Variants in TANC1 observed in about 807,000 individuals in gnomAD.
The protein encoded by TANC1 is tetratricopeptide repeat, ankyrin repeat and coiled-coil containing 1.
TANC1 carries 77 observed loss-of-function variants against 149.7 expected under a neutral mutation model. The ratio of observed to expected loss-of-function variants is 0.51; its 90% CI spans 0.43 to 0.62. TANC1 has a LOEUF of 0.62. Among genes scored for constraint, TANC1 ranks in the 20% least tolerant of loss-of-function variants. The pLI is 0.00. For missense variants in TANC1, 1,985 were observed against 2,321.8 expected, an observed-to-expected ratio of 0.85 and a Z score of 2.98; for synonymous variants, 854 against 925.0, an observed-to-expected ratio of 0.92 and a Z score of 1.39.
chr2:159,157,231 G>C (rs915916626), intron 7 of TANC1, among the ~76,000 whole-genome samples: 1 of 152,196 alleles, frequency 6.6e-6, no homozygotes, highest in African/African-American at 2.4e-5. Context: ...TTCCAGGCAA[G>C]GTGGCTTAAG....
intron 2 of TANC1, among the ~76,000 whole-genome samples, chr2:159,047,856 A>G (rs1377065255): frequency 6.6e-6 from 1 of 152,210 alleles, no homozygotes; most frequent in African/African-American, 2.4e-5. Flanking sequence ...GGGACTTCAC[A>G]CCACTAACAT....
Position 159,178,669 on chromosome 2 carries a change from G to C in TANC1, c.2016G>C (p.Gln672His). ...TCCAGCACAGGGTGCACAGCAGCCA[G>C]GACATCCTCAGCAACATCTCCCTGA... ...AYVQHRVHSS[Q>H]DILSNISLNG... The change falls in exon 14 of 27, where the codon CAG becomes CAC. Residue 672 changes from glutamine to histidine, a missense_variant. By Grantham distance (24) the Gln-to-His change is conservative. This residue lies in a region of TANC1 where 508 missense variants were observed against 714.2 expected (regional missense o/e 0.71). Transcript: ENST00000263635. The C allele has an allele frequency of 6.2e-7, 1 of 1,614,154 alleles. No individual in the cohort carries two copies. Among genetic ancestry groups the C allele is most frequent in the Non-Finnish European group, 8.5e-7 (1 of 1,180,024 alleles).
intron 2 of TANC1, among the ~76,000 whole-genome samples, chr2:159,065,155 A>G (rs181968925): frequency 6.6e-6 from 1 of 152,180 alleles, no homozygotes; most frequent in Non-Finnish European, 1.5e-5. Flanking sequence ...AGATGGTTTC[A>G]TGTTTCATCT....
intron 3 of TANC1, among the ~76,000 whole-genome samples, chr2:159,078,836 T>G (rs1326537901): frequency 2.6e-5 from 4 of 152,198 alleles, no homozygotes; most frequent in African/African-American, 9.7e-5. Flanking sequence ...TTTGAATAAT[T>G]TTTTCTGAAC....
intron 2 of TANC1, among the ~76,000 whole-genome samples, chr2:159,006,051 T>C (rs1452109654): frequency 6.6e-6 from 1 of 152,066 alleles, no homozygotes; most frequent in African/African-American, 2.4e-5. Context: ...TCCCAACACC[T>C]TGGGAGGCCG....
intron 2 of TANC1, among the ~76,000 whole-genome samples, chr2:159,014,845 T>A (rs946742857): frequency 1.3e-5 from 2 of 152,212 alleles, no homozygotes; most frequent in African/African-American, 4.8e-5. Flanking sequence ...GTCATACTGA[T>A]GCAAGAGTTG....
At chr2:159,208,983 A>G (rs953420377) in intron 19 of TANC1, among the ~76,000 whole-genome samples, 7 of 152,244 alleles carry the variant, frequency 4.6e-5, no homozygotes, top group African/African-American at 7.2e-5. Context: ...ATGTCTAAAC[A>G]TAGAGAAGGT....
chr2:159,034,943 G>T (rs889421635), intron 2 of TANC1, among the ~76,000 whole-genome samples: 5 of 152,182 alleles, frequency 3.3e-5, no homozygotes, highest in Non-Finnish European at 7.3e-5. Context: ...TCAAAGCAGT[G>T]TTCAATGCTG....
At chr2:159,219,453 G>C in intron 21 of TANC1, 92 bp downstream of exon 21, 3 of 1,560,736 alleles carry the variant, frequency 1.9e-6, no homozygotes, top group Non-Finnish European at 2.6e-6. Context: ...CAAATTCTAA[G>C]TTTTCTGTTA....
intron 4 of TANC1, among the ~76,000 whole-genome samples, chr2:159,124,914 G>A (rs1192168406): frequency 7.2e-6 from 1 of 139,472 alleles, no homozygotes; most frequent in Non-Finnish European, 1.5e-5. Flanking sequence ...GCTAATTTTT[G>A]TATTTTTTTG....
intron 22 of TANC1, among the ~76,000 whole-genome samples, chr2:159,220,262 T>G (rs1278664674): frequency 6.6e-6 from 1 of 151,602 alleles, no homozygotes; most frequent in Non-Finnish European, 1.5e-5. Context: ...ACTAATCAAA[T>G]GACTACCTGG....
intron 3 of TANC1, among the ~76,000 whole-genome samples, chr2:159,081,033 C>G (rs1437832368): frequency 6.6e-6 from 1 of 152,204 alleles, no homozygotes; most frequent in Non-Finnish European, 1.5e-5. Context: ...AAGCCATGTC[C>G]CACCACATCC....
rs531073117 is a variant in TANC1 at position 159,122,852 on chromosome 2, C to T, written c.260-13342C>T. 5.8e-4 allele frequency among the ~76,000 whole-genome samples: 87 copies of T among 151,010 alleles called. 1 individual carries two copies. Among genetic ancestry groups the T allele is most frequent in the Admixed American group, 1.7e-3 (25 of 15,114 alleles). On this transcript the variant is annotated intron_variant, in intron 4 of 26. Coordinates refer to ENST00000263635, the MANE Select transcript of TANC1 (RefSeq NM_033394.3). ...ACCAACAGTATGAGGGTTTCAGTTA[C>T]TTTGCATCTTCACCAGCAGTTTTTA...
chr2:159,230,515 C>T lies in TANC1; in HGVS notation c.5089C>T (p.Pro1697Ser). 6.2e-7 allele frequency: 1 copy of T among 1,614,188 alleles called. No homozygotes were observed. Among genetic ancestry groups the T allele is most frequent in the Non-Finnish European group, 8.5e-7 (1 of 1,180,044 alleles). The stretch of plus-strand genomic sequence containing the variant: ...TTCAGATGGCTTCAAGGTCCAAGGA[C>T]CAGATACTAGAATTAAAGACAAGGT... ...SFSDGFKVQGPDTRIKDKVVT... is the reference protein window; with the variant it reads ...SFSDGFKVQGSDTRIKDKVVT... The change falls in exon 27 of 27, where the codon CCA becomes TCA. Residue 1697 changes from proline (P) to serine (S), a missense_variant. Coordinates refer to ENST00000263635, the MANE Select transcript of TANC1 (RefSeq NM_033394.3). This position sits in a 1 kb window ranked among gnomAD's most constrained non-coding sequence, Gnocchi z 4.4.
At chr2:159,064,208 TTG>T (rs1052945900) in intron 2 of TANC1, among the ~76,000 whole-genome samples, 1 of 152,190 alleles carries the variant, frequency 6.6e-6, no homozygotes, top group African/African-American at 2.4e-5. Flanking sequence ...TAAGAGAAGT[TTG>T]TGTTTTCCAT....
chr2:159,179,190 T>G, intron 14 of TANC1, 27 bp downstream of exon 14: 1 of 1,583,988 alleles, frequency 6.3e-7, no homozygotes, highest in Non-Finnish European at 8.6e-7. Flanking sequence ...CTTTCAGCTC[T>G]TTGCAGGGAA....
At position 159,196,767 on chromosome 2, in the gene TANC1, G is replaced by T; in HGVS notation, c.3139G>T (p.Ala1047Ser). Residue 1047 changes from alanine to serine, a missense_variant, in exon 18 of 27, where the codon GCG (alanine) becomes TCG (serine). Transcript: ENST00000263635. ...CCACGCCCTGCAGCAGGCGCTGACCGCGGCGGCCAGCATGGGCCACAGCTC... is the reference window on the plus strand; with the variant it reads ...CCACGCCCTGCAGCAGGCGCTGACCTCGGCGGCCAGCATGGGCCACAGCTC... ...KSHALQQALT[A>S]AASMGHSSVV... 1 of 1,612,454 alleles carries T rather than the reference G, an allele frequency of 6.2e-7. No individual in the cohort carries two copies. The highest frequency in any genetic ancestry group is 1.1e-5 in the South Asian group (1 of 90,962).
At chr2:159,157,050 G>A (rs2053518338) in intron 7 of TANC1, among the ~76,000 whole-genome samples, 1 of 152,250 alleles carries the variant, frequency 6.6e-6, no homozygotes, top group Non-Finnish European at 1.5e-5. Flanking sequence ...AGATCTGGCT[G>A]TCACAAGCCA....
chr2:158,984,174 T>C (rs2034747076), intron 1 of TANC1, among the ~76,000 whole-genome samples: 1 of 152,260 alleles, frequency 6.6e-6, no homozygotes, highest in Admixed American at 6.5e-5. Context: ...TTACAAAGTT[T>C]TGTTTAATCT....
Sources: gnomAD v4.1 joint callset for allele counts (sites outside exome capture counted in the v4.1 genomes callset) on GRCh38, gnomAD v4.1.1 for gene constraint, gnomAD v4.1.1 regional missense constraint, Gnocchi (gnomAD v3.1) non-coding constraint, MANE v1.5 for transcripts, NCBI Gene and HGNC (gene_info 2026-07-23, HGNC 2026-07-21) for gene names.